ROBO2: variants seen among roughly 807,000 people sequenced by gnomAD.
ROBO2 encodes the protein roundabout homolog 2.
ROBO2 carries 53 observed loss-of-function variants against 160.8 expected under a neutral mutation model. The ratio of observed to expected loss-of-function variants is 0.33; its 90% confidence interval spans 0.26 to 0.41. The LOEUF is 0.41. Among genes scored for constraint, ROBO2 ranks in the 10% least tolerant of loss-of-function variants. The pLI is 1.00. For missense variants in ROBO2, 1,577 were observed against 1,722.4 expected (o/e 0.92, Z 1.49); for synonymous variants, 664 against 611.7 (o/e 1.09, Z -1.26).
At chr3:76,743,309 A>C (rs1182555998) in intron 2 of ROBO2, among the ~76,000 whole-genome samples, 1 of 152,090 alleles carries the variant, frequency 6.6e-6, no homozygotes, top group East Asian at 1.9e-4. Flanking sequence ...GGAGTCCTAG[A>C]GAAAATAATG....
intron 2 of ROBO2, among the ~76,000 whole-genome samples, chr3:77,402,206 T>C (rs905025924): frequency 2.7e-5 from 4 of 146,794 alleles, no homozygotes. Flanking sequence ...AAACACCACA[T>C]GTTCTCACTC....
At chr3:76,677,161 A>G (rs998809618) in intron 2 of ROBO2, among the ~76,000 whole-genome samples, 3 of 152,120 alleles carry the variant, frequency 2.0e-5, no homozygotes, top group African/African-American at 7.2e-5. Flanking sequence ...AAGTATCACT[A>G]TGTACCCAAA....
chr3:76,805,993 T>C (rs1015355963), intron 2 of ROBO2, among the ~76,000 whole-genome samples: 1 of 152,072 alleles, frequency 6.6e-6, no homozygotes, highest in East Asian at 1.9e-4. Context: ...GTCTGTGTTC[T>C]TAATGCATTA....
intron 2 of ROBO2, among the ~76,000 whole-genome samples, chr3:77,190,431 C>T (rs2081727718): frequency 6.6e-6 from 1 of 151,970 alleles, no homozygotes; most frequent in South Asian, 2.1e-4. Context: ...TCTGAGTGCT[C>T]TATAAACAGA....
intron 2 of ROBO2, among the ~76,000 whole-genome samples, chr3:76,347,055 T>TA (rs113551052): frequency 2.7e-4 from 41 of 149,264 alleles, no homozygotes; most frequent in Admixed American, 5.3e-4. Flanking sequence ...TCAGACAAAA[T>TA]AAAAAAAAAA....
Position 76,979,161 on chromosome 3 carries a change from C to A in ROBO2, c.110-118853C>A, listed in dbSNP as rs145516829. 3.2e-3 allele frequency among the ~76,000 whole-genome samples: 492 copies of A among 152,112 alleles called. 4 individuals carry two copies. Among genetic ancestry groups the A allele is most frequent in the African/African-American group, 0.011 (450 of 41,494 alleles). On this transcript the variant is annotated intron_variant, in intron 2 of 26. Coordinates refer to the ROBO2 transcript ENST00000487694. ...GTTACGCCATGTTGCCCAGGTTGGT[C>A]TCGAACTCCTGGGCTGCAGTGGTCT...
intron 2 of ROBO2, among the ~76,000 whole-genome samples, chr3:77,377,750 T>C (rs1452516770): frequency 6.6e-6 from 1 of 152,238 alleles, no homozygotes; most frequent in Non-Finnish European, 1.5e-5. Flanking sequence ...AGTATATCCA[T>C]TTCAAAAGGA....
chr3:76,750,478 A>G (rs1369246905), intron 2 of ROBO2, among the ~76,000 whole-genome samples: 3 of 152,168 alleles, frequency 2.0e-5, no homozygotes, highest in Admixed American at 6.6e-5. Flanking sequence ...AATAAAGGGT[A>G]TTCAATTAGG....
At chr3:77,541,375 C>T (rs1047998182) in intron 6 of ROBO2, among the ~76,000 whole-genome samples, 4 of 152,206 alleles carry the variant, frequency 2.6e-5, no homozygotes, top group Non-Finnish European at 5.9e-5. Flanking sequence ...CCCACTCACT[C>T]TCACCAGCAG....
intron 2 of ROBO2, among the ~76,000 whole-genome samples, chr3:76,086,649 A>T (rs2069023980): frequency 6.6e-6 from 1 of 152,142 alleles, no homozygotes; most frequent in Non-Finnish European, 1.5e-5. Flanking sequence ...AAATATTACG[A>T]GGCATACTAA....
intron 2 of ROBO2, among the ~76,000 whole-genome samples, chr3:76,179,466 CCTTA>C (rs2107085421): frequency 6.6e-6 from 1 of 152,312 alleles, no homozygotes; most frequent in African/African-American, 2.4e-5. Flanking sequence ...TTTCCATCCT[CCTTA>C]CTTCCCACAG....
At chr3:76,696,776 A>G (rs1352842728) in intron 2 of ROBO2, among the ~76,000 whole-genome samples, 1 of 152,196 alleles carries the variant, frequency 6.6e-6, no homozygotes, top group African/African-American at 2.4e-5. Flanking sequence ...ATTCAAAAGC[A>G]TAGCTTGCCG....
chr3:77,339,877 C>G (rs1221979156), intron 2 of ROBO2, among the ~76,000 whole-genome samples: 1 of 151,964 alleles, frequency 6.6e-6, no homozygotes, highest in East Asian at 1.9e-4. Flanking sequence ...CTGAATTTGC[C>G]CTGCTGGCAA....
chr3:76,127,586 T>A (rs1374477359), intron 2 of ROBO2, among the ~76,000 whole-genome samples: 3 of 130,736 alleles, frequency 2.3e-5, no homozygotes, highest in African/African-American at 5.7e-5. Flanking sequence ...TTTCTCTATA[T>A]GGTTTGAAAA....
intron 2 of ROBO2, among the ~76,000 whole-genome samples, chr3:76,300,298 C>T (rs1284943988): frequency 6.6e-6 from 1 of 151,762 alleles, no homozygotes; most frequent in African/African-American, 2.4e-5. Context: ...CTAAATGGTG[C>T]CCACTATTCT....
chr3:76,556,571 A>G (rs2108439135), intron 2 of ROBO2, among the ~76,000 whole-genome samples: 1 of 152,296 alleles, frequency 6.6e-6, no homozygotes, highest in Middle Eastern at 3.4e-3. Context: ...TTTGATGTGA[A>G]GTTTAATTAT....
chr3:76,282,387 G>A (rs556889125), intron 2 of ROBO2, among the ~76,000 whole-genome samples: 1 of 152,042 alleles, frequency 6.6e-6, no homozygotes, highest in South Asian at 2.1e-4. Flanking sequence ...GAGTTGGCTG[G>A]TTCACTTAAG....
At chr3:77,102,059 G>A (rs562275300) in intron 2 of ROBO2, among the ~76,000 whole-genome samples, 17 of 152,152 alleles carry the variant, frequency 1.1e-4, no homozygotes, top group South Asian at 2.1e-4. Context: ...AACCACAAGA[G>A]TACTAAACAT....
At chr3:77,216,244 G>A (rs576350849) in intron 2 of ROBO2, among the ~76,000 whole-genome samples, 426 of 152,118 alleles carry the variant, frequency 2.8e-3, no homozygotes, top group Middle Eastern at 0.017. Flanking sequence ...CTTCCTGGCC[G>A]CTTTGTTTAC....
Sources: allele counts gnomAD v4.1 joint callset (sites outside exome capture counted in the v4.1 genomes callset), GRCh38; gene constraint gnomAD v4.1.1; transcripts MANE v1.5; gene names NCBI Gene and HGNC (gene_info 2026-07-23, HGNC 2026-07-21).